The following TRAPPC9 variants were observed in gnomAD, a reference collection of about 807,000 sequenced individuals.
TRAPPC9 encodes IKK2 binding protein.
In TRAPPC9, 83 loss-of-function variants were observed where a neutral mutation model predicts 124.0. The observed-to-expected ratio is 0.67, with a 90% CI of 0.56 to 0.80. The LOEUF is 0.80. Among genes scored for constraint, TRAPPC9 ranks in the 30% least tolerant of loss-of-function variants. TRAPPC9 has a pLI of 0.00. For missense variants in TRAPPC9, 1,302 were observed against 1,508.3 expected (o/e 0.86, Z 2.27); for synonymous variants, 638 against 617.5 (o/e 1.03, Z -0.49).
chr8:140,413,061 T>C (rs764219044), intron 5 of TRAPPC9, among the ~76,000 whole-genome samples: 1 of 152,076 alleles, frequency 6.6e-6, no homozygotes. Flanking sequence ...GCACGGGGAA[T>C]CCACTGCCAC....
rs1443072575 is a variant in TRAPPC9, at chr8:140,252,616, AAC to A, written c.2431+159_2431+160del. ...TTTATTACTTTCAGACACATACAGT[AAC>A]ACACTCTGTTAACAAAGTGCCCAGG... On this transcript the variant is annotated intron_variant, in intron 16 of 22. Coordinates refer to ENST00000438773, the MANE Select transcript of TRAPPC9 (RefSeq NM_001160372.4). The surrounding 1 kb of genome is among the most constrained non-coding windows in gnomAD (Gnocchi z 4.2). 1.4e-6 allele frequency: 1 copy of A among 730,906 alleles called. No homozygotes were observed. The highest frequency in any genetic ancestry group is 2.4e-6 in the Non-Finnish European group (1 of 423,736). The allele number at this position is 730,906 out of a possible 1,614,324, so 45.3% of individuals were successfully genotyped here.
At chr8:140,404,654 AATAAG>A (rs2069406799) in intron 6 of TRAPPC9, among the ~76,000 whole-genome samples, 1 of 152,296 alleles carries the variant, frequency 6.6e-6, no homozygotes, top group South Asian at 2.1e-4. Context: ...CATTTTCATA[AATAAG>A]ATGTGCGCGT....
chr8:140,379,446 G>A (rs2068541195), intron 7 of TRAPPC9, among the ~76,000 whole-genome samples: 1 of 152,162 alleles, frequency 6.6e-6, no homozygotes, highest in Non-Finnish European at 1.5e-5. Flanking sequence ...TGTTTCTTCA[G>A]GTGGGCAAGT....
chr8:140,008,734 T>G (rs1348901930), intron 18 of TRAPPC9: 1 of 152,270 alleles, frequency 6.6e-6, no homozygotes, highest in Non-Finnish European at 1.5e-5. Flanking sequence ...TGCCTCATTA[T>G]AGATACAGAA....
chr8:140,017,063 A>AT (rs1351321237), intron 18 of TRAPPC9, among the ~76,000 whole-genome samples: 39 of 152,330 alleles, frequency 2.6e-4, no homozygotes, highest in African/African-American at 9.1e-4. Flanking sequence ...CTTTTCGGAG[A>AT]TAACAGGTCA....
chr8:140,452,770 C>A (rs2071513668), intron 1 of TRAPPC9, among the ~76,000 whole-genome samples: 1 of 152,134 alleles, frequency 6.6e-6, no homozygotes, highest in Non-Finnish European at 1.5e-5. Flanking sequence ...TGAATGCTGC[C>A]CCCAGCCTAC....
At chr8:140,043,945 T>A (rs1450906888) in intron 17 of TRAPPC9, among the ~76,000 whole-genome samples, 58 of 152,088 alleles carry the variant, frequency 3.8e-4, no homozygotes, top group Non-Finnish European at 5.9e-5. Context: ...AATTCTACCA[T>A]GAGGCCTGCC....
chr8:140,070,707 C>A (rs1402875426), intron 17 of TRAPPC9, among the ~76,000 whole-genome samples: 2 of 152,164 alleles, frequency 1.3e-5, no homozygotes, highest in Non-Finnish European at 2.9e-5. Context: ...AGGCTGCTCA[C>A]CAGCATTTCA....
At chr8:139,922,488 G>A (rs1289570538) in intron 19 of TRAPPC9, among the ~76,000 whole-genome samples, 4 of 152,222 alleles carry the variant, frequency 2.6e-5, no homozygotes, top group Non-Finnish European at 5.9e-5. Context: ...GGCCTGAAAT[G>A]GGTTTTGTCT....
At chr8:140,360,930 T>G (rs1272549992) in intron 8 of TRAPPC9, among the ~76,000 whole-genome samples, 4 of 151,750 alleles carry the variant, frequency 2.6e-5, no homozygotes, top group Admixed American at 6.6e-5. Flanking sequence ...AGAGACAGGG[T>G]CTCCCCATGT....
chr8:140,349,220 GAAGGGGGC>G (rs1563964260), intron 9 of TRAPPC9, among the ~76,000 whole-genome samples: 85 of 87,962 alleles, frequency 9.7e-4, no homozygotes, highest in African/African-American at 3.4e-3. Context: ...GAAGGGCACA[GAAGGGGGC>G]CGAAGGGGGC....
chr8:140,174,188 T>C (rs1340019586), intron 17 of TRAPPC9, among the ~76,000 whole-genome samples: 2 of 151,806 alleles, frequency 1.3e-5, no homozygotes, highest in Non-Finnish European at 2.9e-5. Context: ...TATGGACGCA[T>C]AGAGGGAAAC....
Position 140,064,188 on chromosome 8 carries a change from C to T in TRAPPC9, c.2557-40109G>A, listed in dbSNP as rs184814329. On this transcript the variant is annotated intron_variant, in intron 17 of 22. Coordinates refer to ENST00000438773, the MANE Select transcript of TRAPPC9 (RefSeq NM_001160372.4). ...AATTTCTATGCCAATTATACACTAA[C>T]CCACATGACCCTTTCCTGGAAAATA... 3.6e-3 allele frequency among the ~76,000 whole-genome samples: 542 copies of T among 152,258 alleles called. 2 individuals are homozygous for T. The highest frequency in any genetic ancestry group is 6.2e-3 in the Non-Finnish European group (422 of 68,010).
At chr8:140,233,018 C>G (rs1265530013) in intron 16 of TRAPPC9, among the ~76,000 whole-genome samples, 1 of 152,168 alleles carries the variant, frequency 6.6e-6, no homozygotes, top group Non-Finnish European at 1.5e-5. Flanking sequence ...CTGCGCATCC[C>G]TAAAAGACAG....
intron 17 of TRAPPC9, among the ~76,000 whole-genome samples, chr8:140,158,122 C>T (rs183899001): frequency 3.5e-4 from 53 of 152,010 alleles, no homozygotes; most frequent in African/African-American, 1.1e-3. Context: ...TTTTTTTCTT[C>T]GACATGAAAT....
chr8:139,873,170 C>A (rs138735622), intron 21 of TRAPPC9, among the ~76,000 whole-genome samples: 2 of 152,054 alleles, frequency 1.3e-5, no homozygotes, highest in East Asian at 1.9e-4. Flanking sequence ...TAAAAGTAAG[C>A]GAATGAAAGT....
intron 21 of TRAPPC9, among the ~76,000 whole-genome samples, chr8:139,779,984 A>G (rs1821685072): frequency 6.6e-6 from 1 of 152,212 alleles, no homozygotes; most frequent in African/African-American, 2.4e-5. Flanking sequence ...TACACGAGGA[A>G]AACTACAAAA....
intron 17 of TRAPPC9, among the ~76,000 whole-genome samples, chr8:140,170,441 C>A (rs1455699960): frequency 6.6e-6 from 1 of 152,234 alleles, no homozygotes; most frequent in Non-Finnish European, 1.5e-5. Context: ...CCAAATTCCA[C>A]ATCCTCTTTG....
At chr8:140,223,949 C>A (rs1178505552) in intron 16 of TRAPPC9, among the ~76,000 whole-genome samples, 1 of 151,958 alleles carries the variant, frequency 6.6e-6, no homozygotes, top group African/African-American at 2.4e-5. Context: ...CACCTTATGC[C>A]CAAAATAGCA....
Sources: gnomAD v4.1 joint callset for allele counts (sites outside exome capture counted in the v4.1 genomes callset) on GRCh38, gnomAD v4.1.1 for gene constraint, Gnocchi (gnomAD v3.1) non-coding constraint, MANE v1.5 for transcripts, NCBI Gene and HGNC (gene_info 2026-07-23, HGNC 2026-07-21) for gene names.